ZNF335: variants seen among roughly 807,000 people sequenced by gnomAD.
ZNF335 encodes the protein zinc finger protein 335.
ZNF335 carries 84 observed loss-of-function variants against 145.6 expected under a neutral mutation model. The observed-to-expected ratio is 0.58, with a 90% CI of 0.48 to 0.69. The LOEUF (loss-of-function observed/expected upper bound fraction) is 0.69, where lower values mean the gene tolerates loss of function less well. Among genes scored for constraint, ZNF335 ranks in the 30% least tolerant of loss-of-function variants. The pLI is 0.00. For synonymous variants in ZNF335, 761 were observed against 717.0 expected (o/e 1.06, Z -0.98); for missense variants, 1,865 against 1,809.7 (o/e 1.03, Z -0.55).
At chr20:45,967,226 G>C in intron 6 of ZNF335, 1 of 502,488 alleles carries the variant, frequency 2.0e-6, no homozygotes, top group Non-Finnish European at 3.6e-6. Context: ...CTGAGCAACA[G>C]GGCGAGGACC....
At chr20:45,950,093 C>A in intron 22 of ZNF335, 24 bp from the exon 23 acceptor site, 1 of 1,611,784 alleles carries the variant, frequency 6.2e-7, no homozygotes, top group South Asian at 1.1e-5. Context: ...AGAGGATGCT[C>A]ACCTGGGGTC....
chr20:45,968,053 G>C (rs1600549825), intron 4 of ZNF335, 26 bp from the exon 5 acceptor site: 3 of 1,611,784 alleles, frequency 1.9e-6, no homozygotes, highest in Non-Finnish European at 2.5e-6. Context: ...GCAATTGGAG[G>C]GTGGTTAAAT....
intron 9 of ZNF335, among the ~76,000 whole-genome samples, chr20:45,962,442 G>C (rs2083861951): frequency 1.3e-5 from 2 of 152,246 alleles, no homozygotes; most frequent in Non-Finnish European, 2.9e-5. Flanking sequence ...AGGGTGGAGG[G>C]ACCTTGCGAT....
At position 45,948,953 on chromosome 20, in the gene ZNF335, TCAG is replaced by T; in HGVS notation, c.4026_4028del (p.Asp1342_Ter1343delinsGlu). The T allele has an allele frequency of 1.2e-6, 2 of 1,613,862 alleles. No homozygotes were observed. Among genetic ancestry groups the T allele is most frequent in the Non-Finnish European group, 1.7e-6 (2 of 1,180,024 alleles). ...ATGATCTGTGTTGGGCCCTCGGGGCTCAGTCATCGGCCAGGGTGATGACGTCGT... is the reference window on the plus strand; with the variant it reads ...ATGATCTGTGTTGGGCCCTCGGGGCTTCATCGGCCAGGGTGATGACGTCGT... On this transcript the variant is annotated stop_lost and inframe_deletion, in exon 28 of 28. Transcript: ENST00000322927.
chr20:45,962,685 T>C (rs11906879), intron 9 of ZNF335, among the ~76,000 whole-genome samples: 48,217 of 152,076 alleles, frequency 0.32, 9,271 homozygotes, highest in Middle Eastern at 0.46. Flanking sequence ...AATGGGACTA[T>C]GGACACCTAC....
At chr20:45,962,372 C>A (rs1014111436) in intron 9 of ZNF335, among the ~76,000 whole-genome samples, 190 bp from the exon 10 acceptor site, 3 of 152,258 alleles carry the variant, frequency 2.0e-5, no homozygotes, top group African/African-American at 4.8e-5. Flanking sequence ...AGCGAGAGCA[C>A]CCACTCTGTG....
At position 45,952,379 on chromosome 20, in the gene ZNF335, G is replaced by T. The variant is rs750144273; in HGVS notation, c.2957C>A (p.Ser986Tyr). Residue 986 changes from serine to tyrosine, a missense_variant, in exon 20 of 28, where the codon TCC (serine) becomes TAC (tyrosine). Coordinates refer to ENST00000322927, the MANE Select transcript of ZNF335 (RefSeq NM_022095.4). ...AGGAGGTGAGGAGGCAGAGCTCTGG[G>T]AGTCCCCTACGCAGTGGGTCTTGGC... ...SPAKTHCVGD[S>Y]QSSASSPPAT... 6.2e-7 allele frequency: 1 copy of T among 1,608,884 alleles called. No homozygotes were observed. Among genetic ancestry groups the T allele is most frequent in the South Asian group, 1.1e-5 (1 of 90,344 alleles).
At chr20:45,955,371 GATTT>G (rs1735174606) in intron 17 of ZNF335, among the ~76,000 whole-genome samples, 2 of 48,538 alleles carry the variant, frequency 4.1e-5, no homozygotes, top group Admixed American at 3.5e-4. Flanking sequence ...AAAAAAAAAA[GATTT>G]ATAAAGACTG....
chr20:45,952,244 C>T lies in ZNF335; in HGVS notation c.3092G>A (p.Arg1031Gln), dbSNP rs1350201776. The T allele has an allele frequency of 1.9e-6, 3 of 1,613,312 alleles. No individual in the cohort carries two copies. Among genetic ancestry groups the T allele is most frequent in the South Asian group, 2.2e-5 (2 of 91,064 alleles). The change falls in exon 20 of 28, where the codon CGA becomes CAA. Residue 1031 changes from arginine (R) to glutamine (Q), a missense_variant. Transcript: ENST00000322927. ...CCGCTTGTGACTCTCCATCTCAGCT[C>T]GGCCAGGGAAGGCCTCGGCACAGAT... is the stretch of plus-strand genomic sequence containing the variant. ...CKICAEAFPG[R>Q]AEMESHKRAH...
intron 15 of ZNF335, among the ~76,000 whole-genome samples, chr20:45,958,556 G>C (rs2083769819): frequency 6.6e-6 from 1 of 152,188 alleles, no homozygotes; most frequent in South Asian, 2.1e-4. Context: ...ACGTGGCAGA[G>C]ACTGCTAGCT....
chr20:45,950,756 A>G lies in ZNF335; in HGVS notation c.3190-161T>C, dbSNP rs551175571. Among the ~76,000 whole-genome samples the G allele has an allele frequency of 2.5e-4, 38 of 152,342 alleles. 1 individual carries two copies. In the South Asian group the frequency reaches 7.5e-3, roughly 30 times the overall value. On this transcript the variant is annotated intron_variant, in intron 20 of 27. Coordinates refer to ENST00000322927, the MANE Select transcript of ZNF335 (RefSeq NM_022095.4). The stretch of plus-strand genomic sequence containing the variant: ...AAGCTGGGTAGAAAGGCCAAGCCGG[A>G]TCCGTATCTGGTGCTGCTGTGTCCT...
Position 45,949,031 on chromosome 20 carries a change from G to A in ZNF335, c.3951C>T (p.Asp1317=), listed in dbSNP as rs373702846. Residue 1317 remains aspartate, a synonymous_variant, in exon 28 of 28, where the codon GAC becomes GAT. Transcript: ENST00000322927. ...MAQAQGLFGT[D]ETVPEHIQQL... The stretch of plus-strand genomic sequence containing the variant: ...GTTGAATGTGTTCGGGCACTGTCTC[G>A]TCTGTACCAAACAGGCCCTGGGCTT... The A allele has an allele frequency of 3.4e-5, 55 of 1,613,912 alleles. No individual in the cohort carries two copies. The highest frequency in any genetic ancestry group is 2.5e-4 in the East Asian group (11 of 44,880).
At chr20:45,964,317 C>G (rs73622638) in intron 7 of ZNF335, 1 of 254,204 alleles carries the variant, frequency 3.9e-6, no homozygotes, top group Non-Finnish European at 7.5e-6. Flanking sequence ...ATTCCTCTCC[C>G]GGAGTCTCAT....
intron 17 of ZNF335, among the ~76,000 whole-genome samples, chr20:45,957,001 ACTCTCCATCTTCTCAT>A (rs2083740531): frequency 6.6e-6 from 1 of 151,658 alleles, no homozygotes; most frequent in African/African-American, 2.4e-5. Context: ...TTAAAAACAC[ACTCTCCATCTTCTCAT>A]GAGGCTGGGA....
At chr20:45,963,691 G>A (rs750484927) in intron 8 of ZNF335, 41 bp from the exon 9 acceptor site, 12 of 1,613,860 alleles carry the variant, frequency 7.4e-6, no homozygotes, top group Admixed American at 1.7e-5. Flanking sequence ...GGTGGGGTTG[G>A]TGGCTTAACC....
At position 45,948,936 on chromosome 20, in the gene ZNF335, T is replaced by C. The variant is rs760659559; in HGVS notation, c.*17A>G. ...GAGCTGGCCGCAAATCCATGATCTG[T>C]GTTGGGCCCTCGGGGCTCAGTCATC... On this transcript the variant is annotated 3_prime_UTR_variant, in exon 28 of 28. Coordinates refer to ENST00000322927, the MANE Select transcript of ZNF335 (RefSeq NM_022095.4). 2 of 1,613,726 alleles carry C rather than the reference T, an allele frequency of 1.2e-6. No individual in the cohort carries two copies. The highest frequency in any genetic ancestry group is 1.7e-6 in the Non-Finnish European group (2 of 1,179,996).
At chr20:45,960,841 C>T (rs773987417) in intron 11 of ZNF335, 23 bp downstream of exon 11, 1 of 1,613,988 alleles carries the variant, frequency 6.2e-7, no homozygotes, top group Non-Finnish European at 8.5e-7. Context: ...GGTTCCCTTC[C>T]CAGGCCAGCA....
In ZNF335 at chr20:45,963,810, G is replaced by A. The variant is rs779235838; in HGVS notation, c.1283C>T (p.Pro428Leu). 21 of 1,613,976 alleles carry A rather than the reference G, an allele frequency of 1.3e-5. No individual in the cohort carries two copies. Among genetic ancestry groups the A allele is most frequent in the Middle Eastern group, 1.6e-4 (1 of 6,084 alleles). The part of the protein sequence containing the change: ...SDAENAAPSC[P>L]DEHDTLPRRR... ...CCGGGGCAGAGTGTCATGCTCATCC[G>A]GGCAGGAGGGGGCTGCGTTCTCTGC... Residue 428 changes from proline to leucine, a missense_variant, in exon 8 of 28, where the codon CCG becomes CTG. Coordinates refer to ENST00000322927, the MANE Select transcript of ZNF335 (RefSeq NM_022095.4).
At chr20:45,957,482 G>C in intron 17 of ZNF335, 104 bp downstream of exon 17, 1 of 1,105,532 alleles carries the variant, frequency 9.0e-7, no homozygotes, top group Non-Finnish European at 1.3e-6. Context: ...AGCTCCCAAG[G>C]GCGGAGAAGC....
Sources: allele counts gnomAD v4.1 joint callset (sites outside exome capture counted in the v4.1 genomes callset), GRCh38; gene constraint gnomAD v4.1.1; transcripts MANE v1.5; gene names NCBI Gene and HGNC (gene_info 2026-07-23, HGNC 2026-07-21).